PDE10A: variants seen among roughly 807,000 people sequenced by gnomAD.
PDE10A encodes phosphodiesterase 10A.
Under a neutral mutation model 97.7 loss-of-function variants are expected in PDE10A, and 39 were observed. That is an observed-to-expected ratio of 0.40 (90% CI 0.31 to 0.52). The LOEUF is 0.52. PDE10A is among the 20% of genes least tolerant of loss of function. The pLI is 0.56. For missense variants in PDE10A, 731 were observed against 1,047.8 expected (o/e 0.70, Z 4.17); for synonymous variants, 371 against 376.8 (o/e 0.98, Z 0.18).
At chr6:165,529,709 A>G (rs541569472) in intron 2 of PDE10A, among the ~76,000 whole-genome samples, 2 of 152,302 alleles carry the variant, frequency 1.3e-5, no homozygotes, top group South Asian at 4.1e-4. Context: ...GCATTGAAGT[A>G]TTGTTCACTT....
intron 1 of PDE10A, among the ~76,000 whole-genome samples, chr6:165,618,098 C>CA (rs1279289087): frequency 1.3e-5 from 2 of 151,900 alleles, no homozygotes; most frequent in Non-Finnish European, 2.9e-5. Flanking sequence ...TCTCTGACAG[C>CA]AAAAATAGGT....
intron 1 of PDE10A, among the ~76,000 whole-genome samples, chr6:165,954,953 T>A (rs190149631): frequency 2.0e-5 from 3 of 152,108 alleles, no homozygotes; most frequent in Non-Finnish European, 4.4e-5. Flanking sequence ...AGCAAAAAAC[T>A]CAACAAACTC....
chr6:165,372,765 T>G (rs9459396), intron 18 of PDE10A, among the ~76,000 whole-genome samples: 1 of 108,374 alleles, frequency 9.2e-6, no homozygotes, highest in Non-Finnish European at 1.9e-5. Flanking sequence ...GAGCCCGCAT[T>G]GCCAAGTCAA....
At position 165,412,714 on chromosome 6, in the gene PDE10A, C is replaced by T. The variant is rs1787966426; in HGVS notation, c.2076+787G>A. The stretch of plus-strand genomic sequence containing the variant: ...GTCTCCGCTTGTCCTATGAGTTACA[C>T]GGTTACTCCTATGGAATCCAGTCCT... On this transcript the variant is annotated intron_variant, in intron 13 of 21. Transcript: ENST00000539869. 1.3e-5 allele frequency among the ~76,000 whole-genome samples: 2 copies of T among 152,036 alleles called. 1 individual carries two copies. The highest frequency in any genetic ancestry group is 4.1e-4 in the South Asian group (2 of 4,820).
At chr6:165,953,999 G>GCTGGAATCATGGC (rs759093098) in intron 1 of PDE10A, among the ~76,000 whole-genome samples, 9 of 152,146 alleles carry the variant, frequency 5.9e-5, no homozygotes, top group Admixed American at 1.3e-4. Flanking sequence ...AACCAATATA[G>GCTGGAATCATGGC]CTGGAATCAT....
chr6:165,498,850 A>G (rs895778372), intron 2 of PDE10A, among the ~76,000 whole-genome samples: 2 of 152,192 alleles, frequency 1.3e-5, no homozygotes, highest in Non-Finnish European at 2.9e-5. Context: ...AATTACTACT[A>G]ACTTCATTGG....
intron 1 of PDE10A, among the ~76,000 whole-genome samples, chr6:165,619,449 CTAGTGTAGTGTAGTCTAGTG>C (rs1787973625): frequency 5.5e-4 from 9 of 16,408 alleles, no homozygotes; most frequent in East Asian, 1.4e-3. Flanking sequence ...GTAGTATAGT[CTAGTGTAGTGTAGTCTAGTG>C]TAGTGTAGTC....
chr6:165,539,205 C>T lies in PDE10A; in HGVS notation c.994+4235G>A, dbSNP rs368314321. 2.7e-4 allele frequency among the ~76,000 whole-genome samples: 41 copies of T among 152,114 alleles called. No individual in the cohort carries two copies. The South Asian group carries it at 8.5e-3, about 32-fold the overall frequency. ...TGGTTTGGAATTTAGGTTCAGAGAT[C>T]AACTTTTAAAAAGCAATTTTCCTCT... On this transcript the variant is annotated intron_variant, in intron 2 of 21. Transcript: ENST00000539869.
intron 5 of PDE10A, among the ~76,000 whole-genome samples, chr6:165,435,789 G>A (rs1224540863): frequency 2.0e-5 from 3 of 152,186 alleles, no homozygotes; most frequent in Non-Finnish European, 4.4e-5. Flanking sequence ...TGCAAGTCAA[G>A]TGATTTGGTT....
At chr6:165,538,120 AG>A (rs1183811482) in intron 2 of PDE10A, among the ~76,000 whole-genome samples, 2 of 152,094 alleles carry the variant, frequency 1.3e-5, no homozygotes, top group African/African-American at 4.8e-5. Context: ...TAGTAGGTTT[AG>A]GGGGCATAAT....
chr6:165,913,458 C>T (rs1782519579), intron 1 of PDE10A, among the ~76,000 whole-genome samples: 2 of 152,298 alleles, frequency 1.3e-5, no homozygotes, highest in African/African-American at 4.8e-5. Flanking sequence ...CTCTAGATTA[C>T]TTACAATATC....
rs1554306127 is a variant in PDE10A at position 165,691,591 on chromosome 6, G to GCGCACA, written c.-614-148024_-614-148023insTGTGCG. On this transcript the variant is annotated intron_variant, in intron 1 of 19. Coordinates refer to the PDE10A transcript ENST00000366882. ...CCCATGCGCACGCATGCACGCGCGC[G>GCGCACA]CACACACACACACACACACACACAC... 8.0e-3 allele frequency among the ~76,000 whole-genome samples: 414 copies of GCGCACA among 51,656 alleles called. 4 individuals carry two copies. Among genetic ancestry groups the GCGCACA allele is most frequent in the South Asian group, 0.036 (67 of 1,886 alleles). The allele number at this position is 51,656 out of a possible 152,430, so 33.9% of individuals were successfully genotyped here.
At chr6:165,774,045 C>A (rs1381096165) in intron 1 of PDE10A, among the ~76,000 whole-genome samples, 1 of 151,972 alleles carries the variant, frequency 6.6e-6, no homozygotes, top group African/African-American at 2.4e-5. Flanking sequence ...CTGGAAAATT[C>A]ACTTACGTGT....
intron 13 of PDE10A, among the ~76,000 whole-genome samples, chr6:165,406,874 G>C (rs992041720): frequency 8.5e-5 from 13 of 152,114 alleles, no homozygotes; most frequent in Admixed American, 6.5e-4. Context: ...TTGAACATCA[G>C]ATCTCCAGGA....
At chr6:165,936,489 C>A (rs141289895) in intron 1 of PDE10A, among the ~76,000 whole-genome samples, 24 of 152,252 alleles carry the variant, frequency 1.6e-4, no homozygotes, top group African/African-American at 5.8e-4. Context: ...CAGATGGTCA[C>A]GAGGGTCAAA....
At chr6:165,582,516 T>C (rs1027891355) in intron 1 of PDE10A, among the ~76,000 whole-genome samples, 5 of 151,886 alleles carry the variant, frequency 3.3e-5, no homozygotes, top group African/African-American at 1.2e-4. Context: ...AATCTACCTA[T>C]GTTTAAATGC....
At position 165,655,965 on chromosome 6, in the gene PDE10A, C is replaced by T. The variant is rs1321378348; in HGVS notation, c.865+5982G>A. Among the ~76,000 whole-genome samples the T allele has an allele frequency of 6.6e-6, 1 of 152,044 alleles. No individual in the cohort carries two copies. The highest frequency in any genetic ancestry group is 1.5e-5 in the Non-Finnish European group (1 of 68,020). ...TGTCACTCAGAGGCCATTTCTACTG[C>T]CCCTGTGAAGAGAGACCTGCACAGA... On this transcript the variant is annotated intron_variant, in intron 1 of 21. Coordinates refer to ENST00000539869, the MANE Select transcript of PDE10A (RefSeq NM_001385079.1). The surrounding 1 kb of genome is among the most constrained non-coding windows in gnomAD (Gnocchi z 4.5).
chr6:165,442,788 C>T (rs896985431), intron 5 of PDE10A, among the ~76,000 whole-genome samples: 5 of 152,024 alleles, frequency 3.3e-5, no homozygotes, highest in African/African-American at 1.2e-4. Flanking sequence ...TCCCCACAGT[C>T]CTTCAAAGTC....
chr6:165,553,998 T>C (rs1784134344), intron 1 of PDE10A, among the ~76,000 whole-genome samples: 1 of 152,134 alleles, frequency 6.6e-6, no homozygotes, highest in African/African-American at 2.4e-5. Context: ...ATGCTCCATC[T>C]CTTTAGCATA....
Sources: allele counts gnomAD v4.1 joint callset (sites outside exome capture counted in the v4.1 genomes callset), GRCh38; gene constraint gnomAD v4.1.1; non-coding constraint Gnocchi (gnomAD v3.1); transcripts MANE v1.5; gene names NCBI Gene and HGNC (gene_info 2026-07-23, HGNC 2026-07-21).